MB21D2: variants seen among roughly 807,000 people sequenced by gnomAD.
The protein encoded by MB21D2 is Mab-21 domain containing 2.
MB21D2 carries 9 observed loss-of-function variants against 33.3 expected under a neutral mutation model. The ratio of observed to expected loss-of-function variants is 0.27; its 90% CI spans 0.16 to 0.47. The LOEUF (loss-of-function observed/expected upper bound fraction) is 0.47, where lower values mean the gene tolerates loss of function less well. Among genes scored for constraint, MB21D2 ranks in the 20% least tolerant of loss-of-function variants. The probability of loss-of-function intolerance (pLI) is 0.99; values close to 1 mark genes in which losing one functional copy is unlikely to be tolerated. For synonymous variants in MB21D2, 241 were observed against 236.3 expected (o/e 1.02, Z -0.18); for missense variants, 540 against 624.6 (o/e 0.86, Z 1.44).
At chr3:192,894,785 G>A (rs980369039) in intron 1 of MB21D2, among the ~76,000 whole-genome samples, 1 of 151,974 alleles carries the variant, frequency 6.6e-6, no homozygotes, top group Non-Finnish European at 1.5e-5. Flanking sequence ...TGAGTAGCAG[G>A]TGCATGCATT....
At chr3:192,816,751 C>T (rs929966033) in intron 1 of MB21D2, among the ~76,000 whole-genome samples, 2 of 151,928 alleles carry the variant, frequency 1.3e-5, no homozygotes, top group Non-Finnish European at 2.9e-5. Context: ...ATGTGGATGC[C>T]GTGATAGAAA....
At chr3:192,904,599 C>T (rs1478324426) in intron 1 of MB21D2, among the ~76,000 whole-genome samples, 3 of 152,206 alleles carry the variant, frequency 2.0e-5, no homozygotes, top group African/African-American at 4.8e-5. Context: ...AATGCAAATT[C>T]TCAGGCTCCA....
chr3:192,843,039 G>C (rs1375762725), intron 1 of MB21D2, among the ~76,000 whole-genome samples: 1 of 152,204 alleles, frequency 6.6e-6, no homozygotes, highest in East Asian at 1.9e-4. Context: ...TGCCCAGCTA[G>C]CTTAGAATGC....
At position 192,899,080 on chromosome 3, in the gene MB21D2, T is replaced by A. The variant is rs75471703; in HGVS notation, c.211+18550A>T. On this transcript the variant is annotated intron_variant, in intron 1 of 1. Coordinates refer to ENST00000392452, the MANE Select transcript of MB21D2 (RefSeq NM_178496.4). ...AAACATGTTCAGAATGTTTGTGTCT[T>A]TACCTTAACATATAATGCAAGGCCA... Among the ~76,000 whole-genome samples the A allele has an allele frequency of 3.3e-3, 509 of 152,316 alleles. 3 individuals are homozygous for A. The highest frequency in any genetic ancestry group is 0.025 in the East Asian group (131 of 5,184).
At chr3:192,809,789 G>A (rs1278159481) in intron 1 of MB21D2, among the ~76,000 whole-genome samples, 3 of 152,208 alleles carry the variant, frequency 2.0e-5, no homozygotes, top group Non-Finnish European at 4.4e-5. Context: ...GAGACACACA[G>A]CTATGTGGGT....
chr3:192,846,650 C>G (rs949469126), intron 1 of MB21D2, among the ~76,000 whole-genome samples: 1 of 152,106 alleles, frequency 6.6e-6, no homozygotes, highest in African/African-American at 2.4e-5. Context: ...ATTCCCTGAA[C>G]AAGAAATCCA....
intron 1 of MB21D2, among the ~76,000 whole-genome samples, chr3:192,860,124 G>C (rs998640774): frequency 6.6e-6 from 1 of 152,212 alleles, no homozygotes; most frequent in African/African-American, 2.4e-5. Flanking sequence ...GAAAGCCAAT[G>C]AATGTAGGAC....
In MB21D2 at chr3:192,905,293, T is replaced by C. The variant is rs113462946; in HGVS notation, c.211+12337A>G. 3.8e-3 allele frequency among the ~76,000 whole-genome samples: 583 copies of C among 152,210 alleles called. 5 individuals are homozygous for C. The highest frequency in any genetic ancestry group is 0.011 in the Admixed American group (163 of 15,292). The stretch of plus-strand genomic sequence containing the variant: ...AAGCTGTTGTTTTGTTTTTAAATTA[T>C]TGCCAGCTTGGGCAACATGGCGAGA... On this transcript the variant is annotated intron_variant, in intron 1 of 1. Coordinates refer to ENST00000392452, the MANE Select transcript of MB21D2 (RefSeq NM_178496.4).
chr3:192,843,514 C>T (rs1712616465), intron 1 of MB21D2, among the ~76,000 whole-genome samples: 2 of 151,866 alleles, frequency 1.3e-5, no homozygotes, highest in Non-Finnish European at 2.9e-5. Flanking sequence ...GATTAAAAAG[C>T]AATAGAGGTA....
intron 1 of MB21D2, among the ~76,000 whole-genome samples, chr3:192,822,507 T>TG (rs1253739292): frequency 1.3e-5 from 2 of 152,100 alleles, no homozygotes; most frequent in Admixed American, 6.5e-5. Flanking sequence ...TGCAAATCAC[T>TG]GGCATTGTAA....
intron 1 of MB21D2, among the ~76,000 whole-genome samples, chr3:192,879,555 A>C (rs6778146): frequency 0.011 from 1,746 of 152,362 alleles, 37 homozygotes; most frequent in African/African-American, 0.04. Context: ...CCTGGAAATT[A>C]AAAAGTGATT....
chr3:192,842,671 G>A (rs141233700), intron 1 of MB21D2, among the ~76,000 whole-genome samples: 1 of 152,280 alleles, frequency 6.6e-6, no homozygotes, highest in Non-Finnish European at 1.5e-5. Flanking sequence ...CAGGTCTGAG[G>A]AGGAAAGGCC....
In MB21D2 at chr3:192,799,465, G is replaced by C. The variant is rs1428456589; in HGVS notation, c.397C>G (p.Pro133Ala). 1 of 1,614,214 alleles carries C rather than the reference G, an allele frequency of 6.2e-7. No individual in the cohort carries two copies. The highest frequency in any genetic ancestry group is 2.2e-5 in the East Asian group (1 of 44,876). ...GAGTGGCGCATGTCGAGTGTCACAG[G>C]CTGATTACGGTCATGCAGCTTGAGG... ...PALKLHDRNQ[P>A]VTLDMRHSAL... is the part of the protein sequence containing the mutation. The change falls in exon 2 of 2, where the codon CCT (proline) becomes GCT (alanine). Residue 133 changes from proline (P) to alanine (A), a missense_variant. By Grantham distance (27) the Pro-to-Ala change is conservative. Coordinates refer to ENST00000392452, the MANE Select transcript of MB21D2 (RefSeq NM_178496.4). The surrounding 1 kb of genome is among the most constrained non-coding windows in gnomAD (Gnocchi z 4.1).
intron 1 of MB21D2, among the ~76,000 whole-genome samples, chr3:192,802,438 G>T (rs1033384350): frequency 1.3e-5 from 2 of 152,130 alleles, no homozygotes; most frequent in Non-Finnish European, 2.9e-5. Context: ...AAGCAAAACA[G>T]AAGATACTAC....
intron 1 of MB21D2, among the ~76,000 whole-genome samples, chr3:192,910,630 G>A (rs1294681117): frequency 2.0e-5 from 3 of 152,168 alleles, no homozygotes; most frequent in East Asian, 3.8e-4. Flanking sequence ...ACAGCATATT[G>A]ATAAATTTAC....
chr3:192,837,451 G>A (rs1005673541), intron 1 of MB21D2, among the ~76,000 whole-genome samples: 43 of 152,120 alleles, frequency 2.8e-4, no homozygotes, highest in African/African-American at 5.1e-4. Context: ...AGCACAAGAC[G>A]CAGCTCAAGG....
intron 1 of MB21D2, among the ~76,000 whole-genome samples, chr3:192,866,026 C>T (rs1713159901): frequency 1.3e-5 from 2 of 150,384 alleles, no homozygotes; most frequent in Non-Finnish European, 2.9e-5. Flanking sequence ...CTGGCCTGGG[C>T]AGCAGAGGAA....
At chr3:192,801,514 G>C (rs571884738) in intron 1 of MB21D2, among the ~76,000 whole-genome samples, 1 of 152,282 alleles carries the variant, frequency 6.6e-6, no homozygotes, top group African/African-American at 2.4e-5. Context: ...ATTAGGAGCT[G>C]GGGCCTGTGG....
chr3:192,900,284 C>CAAAAA (rs66984849), intron 1 of MB21D2, among the ~76,000 whole-genome samples: 6 of 91,176 alleles, frequency 6.6e-5, no homozygotes, highest in South Asian at 3.7e-4. Context: ...GACTCTGTCT[C>CAAAAA]AAAAAAAAAA....
Sources: gnomAD v4.1 joint callset for allele counts (sites outside exome capture counted in the v4.1 genomes callset) on GRCh38, gnomAD v4.1.1 for gene constraint, Gnocchi (gnomAD v3.1) non-coding constraint, MANE v1.5 for transcripts, NCBI Gene and HGNC (gene_info 2026-07-23, HGNC 2026-07-21) for gene names.